CELF4: variants seen among roughly 807,000 people sequenced by gnomAD.
The protein encoded by CELF4 is CUGBP Elav-like family member 4.
Under a neutral mutation model 59.9 loss-of-function variants are expected in CELF4, and 18 were observed. That is an observed-to-expected ratio of 0.30 (90% CI 0.21 to 0.45). The LOEUF is 0.45. Ranked by LOEUF, CELF4 falls within the 20% of genes least tolerant of loss-of-function variation. CELF4 has a pLI of 1.00. For missense variants in CELF4, 456 were observed against 689.0 expected (o/e 0.66, Z 3.79); for synonymous variants, 261 against 267.1 (o/e 0.98, Z 0.22).
At chr18:37,417,022 G>A (rs778123681) in intron 2 of CELF4, among the ~76,000 whole-genome samples, 10 of 151,864 alleles carry the variant, frequency 6.6e-5, no homozygotes, top group Non-Finnish European at 1.2e-4. Context: ...AAGCAGGAAG[G>A]AAGAAGGAAT....
intron 2 of CELF4, among the ~76,000 whole-genome samples, chr18:37,462,269 C>T (rs1354689255): frequency 2.6e-5 from 4 of 152,192 alleles, no homozygotes; most frequent in Non-Finnish European, 4.4e-5. Context: ...GCTAGCATCA[C>T]GGTCTCCTGG....
rs114784145 is a variant in CELF4 at position 37,330,857 on chromosome 18, C to T, written c.370-8976G>A. Among the ~76,000 whole-genome samples, 1,354 of 152,282 alleles carry T rather than the reference C, an allele frequency of 8.9e-3. 21 individuals are homozygous for T. Among genetic ancestry groups the T allele is most frequent in the African/African-American group, 0.03 (1,261 of 41,550 alleles). ...AATCCTCCCTCCTCCAGCAAAGTGG[C>T]GCGTTGCACCTTTGGATTAGGAAGG... On this transcript the variant is annotated intron_variant, in intron 2 of 12. Transcript: ENST00000420428.
At chr18:37,503,536 C>T (rs867847925) in intron 1 of CELF4, among the ~76,000 whole-genome samples, 2 of 152,170 alleles carry the variant, frequency 1.3e-5, no homozygotes, top group Non-Finnish European at 2.9e-5. Flanking sequence ...AGGGACACTC[C>T]AAGCCAAGGT....
chr18:37,246,815 A>G lies in CELF4; in HGVS notation c.*45-1618T>C, dbSNP rs886219877. ...GCACAGGTAAATGATCCCATGTTTG[A>G]TAATTCAGGAATTCATCTTTATTTT... On this transcript the variant is annotated intron_variant, in intron 12 of 12. Coordinates refer to ENST00000420428, the MANE Select transcript of CELF4 (RefSeq NM_020180.4). This position sits in a 1 kb window ranked among gnomAD's most constrained non-coding sequence, Gnocchi z 5.3. The G allele has an allele frequency of 6.6e-5, 10 of 152,208 alleles. No homozygotes were observed. The highest frequency in any genetic ancestry group is 1.3e-4 in the Non-Finnish European group (9 of 68,034). The allele number at this position is 152,208 out of a possible 1,614,324, so 9.4% of individuals were successfully genotyped here. A position where few individuals can be genotyped will look rare whatever the true frequency, so the allele number is the denominator to read the frequency against.
At chr18:37,397,360 C>A (rs1329315535) in intron 2 of CELF4, among the ~76,000 whole-genome samples, 1 of 152,196 alleles carries the variant, frequency 6.6e-6, no homozygotes, top group Non-Finnish European at 1.5e-5. Flanking sequence ...CCAGGCTAGA[C>A]AAAGCCATGA....
intron 3 of CELF4, among the ~76,000 whole-genome samples, chr18:37,314,488 A>G (rs977869079): frequency 6.6e-6 from 1 of 152,294 alleles, no homozygotes; most frequent in African/African-American, 2.4e-5. Context: ...AGAAAGAAAG[A>G]AAAGGAAAGA....
Position 37,565,779 on chromosome 18 carries a change from C to T in CELF4, c.-138G>A. On this transcript the variant is annotated 5_prime_UTR_variant, in exon 1 of 13. Coordinates refer to ENST00000420428, the MANE Select transcript of CELF4 (RefSeq NM_020180.4). ...CTCGGTTTCTCTACACCTCGCTCTC[C>T]GCTCGCTCTCTGCTCTCTCTCTTTC... The T allele has an allele frequency of 1.7e-6, 1 of 585,410 alleles. No individual in the cohort carries two copies. The highest frequency in any genetic ancestry group is 2.8e-6 in the Non-Finnish European group (1 of 358,680). The allele number at this position is 585,410 out of a possible 1,614,324, so 36.3% of individuals were successfully genotyped here. A position where few individuals can be genotyped will look rare whatever the true frequency, so the allele number is the denominator to read the frequency against.
At chr18:37,381,728 C>T (rs562394473) in intron 2 of CELF4, among the ~76,000 whole-genome samples, 26 of 152,302 alleles carry the variant, frequency 1.7e-4, no homozygotes, top group African/African-American at 6.0e-4. Context: ...GACCTCCATG[C>T]CTCACTGCTG....
chr18:37,400,548 T>A (rs779003928), intron 2 of CELF4, among the ~76,000 whole-genome samples: 8 of 152,184 alleles, frequency 5.3e-5, no homozygotes, highest in Non-Finnish European at 1.2e-4. Context: ...CGGAGAAGAA[T>A]CATTGGTAGT....
chr18:37,246,911 A>T lies in CELF4; in HGVS notation c.*45-1714T>A, dbSNP rs1467047658. The stretch of plus-strand genomic sequence containing the variant: ...CTAGAGAAGCATAAAAAAACGCTGA[A>T]CAAGAAAAACCAAACAACAGAAAGT... On this transcript the variant is annotated intron_variant, in intron 12 of 12. Coordinates refer to ENST00000420428, the MANE Select transcript of CELF4 (RefSeq NM_020180.4). This position sits in a 1 kb window ranked among gnomAD's most constrained non-coding sequence, Gnocchi z 5.3. 1 of 152,216 alleles carries T rather than the reference A, an allele frequency of 6.6e-6. No individual in the cohort carries two copies. The highest frequency in any genetic ancestry group is 1.5e-5 in the Non-Finnish European group (1 of 68,036). The allele number at this position is 152,216 out of a possible 1,614,324, so 9.4% of individuals were successfully genotyped here.
At position 37,304,261 on chromosome 18, in the gene CELF4, C is replaced by T. The variant is rs146514519; in HGVS notation, c.448+17542G>A. Among the ~76,000 whole-genome samples the T allele has an allele frequency of 4.5e-3, 692 of 152,264 alleles. 2 individuals carry two copies. The highest frequency in any genetic ancestry group is 0.016 in the African/African-American group (664 of 41,542). On this transcript the variant is annotated intron_variant, in intron 3 of 12. Coordinates refer to ENST00000420428, the MANE Select transcript of CELF4 (RefSeq NM_020180.4). ...CACACAGGCTTGTGGAAGCAATGCA[C>T]GGAAAACACATGCATGAGCACCTGC...
At chr18:37,248,025 T>A (rs1259060909) in intron 12 of CELF4, among the ~76,000 whole-genome samples, 1 of 151,938 alleles carries the variant, frequency 6.6e-6, no homozygotes, top group Non-Finnish European at 1.5e-5. Flanking sequence ...GTCCACGGGG[T>A]CCATCTACAA....
intron 2 of CELF4, among the ~76,000 whole-genome samples, chr18:37,438,424 A>T (rs1476329890): frequency 6.6e-6 from 1 of 152,174 alleles, no homozygotes; most frequent in East Asian, 1.9e-4. Flanking sequence ...GACAGAGTAG[A>T]TAGAGTAGAT....
chr18:37,353,253 T>C (rs2098496179), intron 2 of CELF4, among the ~76,000 whole-genome samples: 1 of 143,566 alleles, frequency 7.0e-6, no homozygotes, highest in African/African-American at 2.6e-5. Context: ...TATATATACA[T>C]AAAAGACCCT....
At chr18:37,356,216 T>C (rs2098563364) in intron 2 of CELF4, among the ~76,000 whole-genome samples, 2 of 152,262 alleles carry the variant, frequency 1.3e-5, no homozygotes, top group Non-Finnish European at 2.9e-5. Context: ...GAGTTTTTGC[T>C]TTTTAATAAG....
At chr18:37,471,476 G>A (rs1174214583) in intron 2 of CELF4, among the ~76,000 whole-genome samples, 2 of 151,976 alleles carry the variant, frequency 1.3e-5, no homozygotes, top group Non-Finnish European at 2.9e-5. Flanking sequence ...TCCAGCCAGC[G>A]CCCCCTGTCC....
At chr18:37,363,475 A>G (rs530087396) in intron 2 of CELF4, among the ~76,000 whole-genome samples, 4 of 152,244 alleles carry the variant, frequency 2.6e-5, no homozygotes, top group Non-Finnish European at 2.9e-5. Context: ...TTCTAACTCT[A>G]TTGATGCTGT....
At chr18:37,392,939 G>A (rs1569568606) in intron 2 of CELF4, among the ~76,000 whole-genome samples, 1 of 152,202 alleles carries the variant, frequency 6.6e-6, no homozygotes, top group East Asian at 1.9e-4. Context: ...CTTCTCCCAT[G>A]TCATTCCATT....
intron 2 of CELF4, among the ~76,000 whole-genome samples, chr18:37,454,075 C>A (rs993575585): frequency 6.6e-6 from 1 of 152,132 alleles, no homozygotes; most frequent in Non-Finnish European, 1.5e-5. Flanking sequence ...AGCAAAAAAC[C>A]CCTATTGCCT....
Sources: gnomAD v4.1 joint callset for allele counts (sites outside exome capture counted in the v4.1 genomes callset) on GRCh38, gnomAD v4.1.1 for gene constraint, Gnocchi (gnomAD v3.1) non-coding constraint, MANE v1.5 for transcripts, NCBI Gene and HGNC (gene_info 2026-07-23, HGNC 2026-07-21) for gene names.